The following EFCAB6 variants were observed in gnomAD, a reference collection of about 807,000 sequenced individuals.
EFCAB6 encodes EF-hand calcium binding domain 6, also known as EF-hand calcium-binding domain-containing protein 6.
A neutral mutation model predicts 169.8 loss-of-function variants in EFCAB6; 156 were observed. The observed-to-expected ratio is 0.92, with a 90% CI of 0.81 to 1.05. EFCAB6 has a LOEUF of 1.05. Among genes scored for constraint, EFCAB6 ranks in the 50% least tolerant of loss-of-function variants. The pLI, the probability that EFCAB6 is intolerant of heterozygous loss-of-function variation, is 0.00. For synonymous variants in EFCAB6, 698 were observed against 676.4 expected, an observed-to-expected ratio of 1.03 and a Z score of -0.50; for missense variants, 1,800 against 1,829.1, an observed-to-expected ratio of 0.98 and a Z score of 0.29.
chr22:43,762,558 G>T (rs989154547), intron 5 of EFCAB6, among the ~76,000 whole-genome samples: 1 of 152,144 alleles, frequency 6.6e-6, no homozygotes, highest in African/African-American at 2.4e-5. Flanking sequence ...TAGAAGTGTT[G>T]TTCATGGTAT....
chr22:43,709,381 C>T (rs1254403422), intron 10 of EFCAB6, among the ~76,000 whole-genome samples: 1 of 152,188 alleles, frequency 6.6e-6, no homozygotes, highest in Non-Finnish European at 1.5e-5. Context: ...TGCGCCCGGC[C>T]TTATTTCTTC....
chr22:43,590,669 A>G (rs1221332628), intron 23 of EFCAB6, among the ~76,000 whole-genome samples: 4 of 151,390 alleles, frequency 2.6e-5, no homozygotes, highest in Admixed American at 2.6e-4. Context: ...AAGGATTTCC[A>G]TTCCAGTAGT....
rs145168452 is a variant in EFCAB6, at chr22:43,765,526, A to G, written c.352-133T>C. 5.2e-4 allele frequency: 314 copies of G among 602,452 alleles called. No individual in the cohort carries two copies. In the African/African-American group the frequency reaches 5.5e-3, roughly 10 times the overall value. The allele number at this position is 602,452 out of a possible 1,614,324, so 37.3% of individuals were successfully genotyped here. Reference sequence around the variant, plus strand: ...TATTAACAGGACGAGCATTCCATTAAACATTTAAATACAACTGCTTAACCC... The same window carrying G: ...TATTAACAGGACGAGCATTCCATTAGACATTTAAATACAACTGCTTAACCC... On this transcript the variant is annotated intron_variant, in intron 4 of 31. Coordinates refer to ENST00000262726, the MANE Select transcript of EFCAB6 (RefSeq NM_022785.4).
chr22:43,699,133 A>G (rs1405822591), intron 10 of EFCAB6, among the ~76,000 whole-genome samples: 1 of 152,138 alleles, frequency 6.6e-6, no homozygotes, highest in Non-Finnish European at 1.5e-5. Flanking sequence ...ATCTAGATCC[A>G]CTTTCTGCTC....
chr22:43,637,801 C>T (rs551138411), intron 17 of EFCAB6, among the ~76,000 whole-genome samples: 1 of 152,288 alleles, frequency 6.6e-6, no homozygotes, highest in South Asian at 2.1e-4. Context: ...AAGCCGTGGC[C>T]CCCGCAGAAG....
At chr22:43,796,585 C>A (rs903292582) in intron 2 of EFCAB6, among the ~76,000 whole-genome samples, 2 of 152,204 alleles carry the variant, frequency 1.3e-5, no homozygotes, top group Middle Eastern at 6.8e-3. Flanking sequence ...CGAGAAAAAA[C>A]AAGTCGTGTC....
At chr22:43,612,663 G>A (rs879420483) in intron 21 of EFCAB6, among the ~76,000 whole-genome samples, 13 of 152,180 alleles carry the variant, frequency 8.5e-5, no homozygotes, top group African/African-American at 2.9e-4. Flanking sequence ...AGGCCAAGGC[G>A]GGTGGATCCC....
chr22:43,737,935 C>T lies in EFCAB6; in HGVS notation c.508-1942G>A, dbSNP rs552212289. Among the ~76,000 whole-genome samples the T allele has an allele frequency of 3.5e-3, 524 of 151,216 alleles. 2 individuals carry two copies. Among genetic ancestry groups the T allele is most frequent in the South Asian group, 0.024 (114 of 4,754 alleles). On this transcript the variant is annotated intron_variant, in intron 6 of 31. Transcript: ENST00000262726. ...TCACACACATGCATATACTCACACA[C>T]ACCTGCATATACTTGCATACCCACA... is the stretch of plus-strand genomic sequence containing the variant.
intron 6 of EFCAB6, among the ~76,000 whole-genome samples, chr22:43,740,858 C>T (rs1347890062): frequency 2.0e-5 from 3 of 152,176 alleles, no homozygotes; most frequent in Non-Finnish European, 2.9e-5. Context: ...CCAGATTTAC[C>T]TCCTTTGGTA....
intron 24 of EFCAB6, among the ~76,000 whole-genome samples, chr22:43,588,261 T>C (rs1024950606): frequency 6.6e-6 from 1 of 152,224 alleles, no homozygotes; most frequent in South Asian, 2.1e-4. Flanking sequence ...TATGGACATA[T>C]TTTTGAAGAA....
chr22:43,801,724 T>C (rs1053656705), intron 2 of EFCAB6, among the ~76,000 whole-genome samples: 1 of 152,026 alleles, frequency 6.6e-6, no homozygotes, highest in African/African-American at 2.4e-5. Context: ...GTAACTATAA[T>C]GCAAAAACCT....
At chr22:43,637,824 C>T (rs764503836) in intron 17 of EFCAB6, among the ~76,000 whole-genome samples, 9 of 152,214 alleles carry the variant, frequency 5.9e-5, no homozygotes, top group African/African-American at 7.2e-5. Context: ...CACACAGCCG[C>T]GGTGAGCCTC....
At chr22:43,724,367 C>CTTTTTTTTTT (rs58226287) in intron 8 of EFCAB6, among the ~76,000 whole-genome samples, 1 of 107,882 alleles carries the variant, frequency 9.3e-6, no homozygotes, top group Non-Finnish European at 1.9e-5. Flanking sequence ...TTTCTTTTTT[C>CTTTTTTTTTT]TTTTTTTTTT....
rs760894884 is a variant in EFCAB6, at chr22:43,678,158, G to A, written c.1257C>T (p.Pro419=). ...KKALLIINTK[P]DGPITREEFR... is the part of the protein sequence containing the mutation. Reference sequence around the variant, plus strand: ...ATTCTTCTCTTGTTATCGGTCCATCGGGTTTCTGAGCATCAGAGTGTATAT... The same window carrying A: ...ATTCTTCTCTTGTTATCGGTCCATCAGGTTTCTGAGCATCAGAGTGTATAT... Residue 419 remains proline (P), a synonymous_variant, in exon 13 of 32, where the codon CCC becomes CCT. Coordinates refer to ENST00000262726, the MANE Select transcript of EFCAB6 (RefSeq NM_022785.4). The A allele has an allele frequency of 4.7e-5, 76 of 1,610,202 alleles. No homozygotes were observed. The highest frequency in any genetic ancestry group is 1.4e-4 in the African/African-American group (10 of 74,026).
At chr22:43,531,003 G>A (rs2047026321) in intron 30 of EFCAB6, 39 bp from the exon 31 acceptor site, 2 of 1,612,244 alleles carry the variant, frequency 1.2e-6, no homozygotes, top group Non-Finnish European at 1.7e-6. Flanking sequence ...GGGAGCTTTT[G>A]AACACGAGGG....
intron 6 of EFCAB6, among the ~76,000 whole-genome samples, chr22:43,752,499 T>C (rs932425393): frequency 1.3e-5 from 2 of 152,166 alleles, no homozygotes; most frequent in Non-Finnish European, 2.9e-5. Context: ...ATGTGCTTCA[T>C]AGGAGGGAGC....
chr22:43,755,674 T>C, intron 6 of EFCAB6, 92 bp downstream of exon 6: 2 of 1,138,096 alleles, frequency 1.8e-6, no homozygotes, highest in Admixed American at 2.9e-5. Flanking sequence ...GATGACAAGG[T>C]GTGGCTCATT....
At position 43,812,304 on chromosome 22, in the gene EFCAB6, C is replaced by A. The variant is rs1261263801; in HGVS notation, c.-281G>T. 1 of 152,328 alleles carries A rather than the reference C, an allele frequency of 6.6e-6. No homozygotes were observed. The highest frequency in any genetic ancestry group is 1.5e-5 in the Non-Finnish European group (1 of 68,118). The allele number at this position is 152,328 out of a possible 1,614,324, so 9.4% of individuals were successfully genotyped here. On this transcript the variant is annotated 5_prime_UTR_variant, in exon 1 of 32. Transcript: ENST00000262726. The stretch of plus-strand genomic sequence containing the variant: ...CCCGAGAGACGACGGCAGTCGCTGA[C>A]TGGAGAATGAGCCTACGCGCCTGGC...
At chr22:43,728,690 G>A (rs1603289578) in intron 8 of EFCAB6, among the ~76,000 whole-genome samples, 2 of 152,212 alleles carry the variant, frequency 1.3e-5, no homozygotes, top group African/African-American at 4.8e-5. Context: ...TCATATGTTT[G>A]TTGGCTGCAT....
Sources: allele counts gnomAD v4.1 joint callset (sites outside exome capture counted in the v4.1 genomes callset), GRCh38; gene constraint gnomAD v4.1.1; transcripts MANE v1.5; gene names NCBI Gene and HGNC (gene_info 2026-07-23, HGNC 2026-07-21).